Variants in SEPTIN7 observed in about 807,000 individuals in gnomAD.
SEPTIN7 encodes the protein septin-7.
SEPTIN7 carries 10 observed loss-of-function variants against 63.3 expected under a neutral mutation model. That is an observed-to-expected ratio of 0.16 (90% CI 0.10 to 0.27). SEPTIN7 has a LOEUF of 0.27. Among genes scored for constraint, SEPTIN7 ranks in the 10% least tolerant of loss-of-function variants. The pLI is 1.00. For synonymous variants in SEPTIN7, 131 were observed against 165.3 expected (o/e 0.79, Z 1.59); for missense variants, 310 against 521.0 (o/e 0.59, Z 3.94).
chr7:35,870,700 A>AT (rs912145746), intron 4 of SEPTIN7, among the ~76,000 whole-genome samples: 70 of 151,416 alleles, frequency 4.6e-4, no homozygotes, highest in African/African-American at 1.6e-3. Context: ...ACCATTAAAC[A>AT]TTTTTTTTGG....
chr7:35,890,531 C>T, intron 10 of SEPTIN7, 137 bp from the exon 11 acceptor site: 1 of 663,588 alleles, frequency 1.5e-6, no homozygotes, highest in Non-Finnish European at 2.1e-6. Flanking sequence ...ATGCCACCTT[C>T]CTTAACAATA....
intron 12 of SEPTIN7, chr7:35,900,000 C>G (rs1460818227): frequency 6.6e-6 from 1 of 152,046 alleles, no homozygotes; most frequent in Non-Finnish European, 1.5e-5. Context: ...ATATTTGTAT[C>G]TAAGTGTATG....
Position 35,882,764 on chromosome 7 carries a change from G to C in SEPTIN7, c.723+188G>C, listed in dbSNP as rs187765506. Among the ~76,000 whole-genome samples, 5 of 152,118 alleles carry C rather than the reference G, an allele frequency of 3.3e-5. No homozygotes were observed. In the East Asian group the frequency reaches 9.6e-4, roughly 29 times the overall value. Reference sequence around the variant, plus strand: ...TAGCTAGTATATATAATAAGGAATTGTATAAACTACTGAGGTGAATAACAC... The same window carrying C: ...TAGCTAGTATATATAATAAGGAATTCTATAAACTACTGAGGTGAATAACAC... On this transcript the variant is annotated intron_variant, in intron 8 of 13. Coordinates refer to ENST00000350320, the MANE Select transcript of SEPTIN7 (RefSeq NM_001788.6).
intron 12 of SEPTIN7, chr7:35,900,804 T>A (rs1788279384): frequency 6.6e-6 from 1 of 152,230 alleles, no homozygotes; most frequent in Non-Finnish European, 1.5e-5. Context: ...TTTGAAGAAC[T>A]ATTCTTTGAA....
In SEPTIN7 at chr7:35,906,240, A is replaced by G. The variant is rs1788602943; in HGVS notation, c.*1947A>G. The G allele has an allele frequency of 6.6e-6, 1 of 152,236 alleles. No individual in the cohort carries two copies. Among genetic ancestry groups the G allele is most frequent in the Non-Finnish European group, 1.5e-5 (1 of 68,044 alleles). The allele number at this position is 152,236 out of a possible 1,614,324, so 9.4% of individuals were successfully genotyped here. A position where few individuals can be genotyped will look rare whatever the true frequency, so the allele number is the denominator to read the frequency against. ...ATAATAAATTTGTAAGACATTCATT[A>G]TTCTACCATCCTAATGAAAACTTTC... is the stretch of plus-strand genomic sequence containing the variant. On this transcript the variant is annotated 3_prime_UTR_variant, in exon 14 of 14. Coordinates refer to ENST00000350320, the MANE Select transcript of SEPTIN7 (RefSeq NM_001788.6).
At chr7:35,915,051 G>T in the SEPTIN7 span, among the ~76,000 whole-genome samples, 1 of 151,234 alleles carries the variant, frequency 6.6e-6, no homozygotes, top group Non-Finnish European at 1.5e-5. Flanking sequence ...ATGTATATAT[G>T]TATATATACA....
In SEPTIN7 at chr7:35,816,322, A is replaced by G. The variant is rs151209700; in HGVS notation, c.61+15052A>G. On this transcript the variant is annotated intron_variant, in intron 1 of 13. Coordinates refer to ENST00000350320, the MANE Select transcript of SEPTIN7 (RefSeq NM_001788.6). ...ATCTTGGACATTTTATATAAATGAG[A>G]TCATATAATGTGACTTTTTGTGATG... 6.4e-3 allele frequency among the ~76,000 whole-genome samples: 968 copies of G among 152,274 alleles called. 7 individuals carry two copies. Among genetic ancestry groups the G allele is most frequent in the African/African-American group, 0.022 (928 of 41,548 alleles).
intron 12 of SEPTIN7, chr7:35,902,332 C>G (rs1788374194): frequency 6.6e-6 from 1 of 151,888 alleles, no homozygotes. Flanking sequence ...TTTACTGCCT[C>G]TCAGTCAGCA....
chr7:35,889,100 A>T (rs1787474949), intron 10 of SEPTIN7, among the ~76,000 whole-genome samples: 1 of 152,210 alleles, frequency 6.6e-6, no homozygotes, highest in Non-Finnish European at 1.5e-5. Flanking sequence ...CCAAAAATGA[A>T]TGACAACCAA....
chr7:35,851,803 C>T (rs1440820282), intron 3 of SEPTIN7, among the ~76,000 whole-genome samples: 1 of 152,132 alleles, frequency 6.6e-6, no homozygotes, highest in East Asian at 1.9e-4. Context: ...TTATAGGCCA[C>T]TTGACATTTT....
At chr7:35,846,283 C>T (rs1281084463) in intron 3 of SEPTIN7, among the ~76,000 whole-genome samples, 1 of 152,150 alleles carries the variant, frequency 6.6e-6, no homozygotes, top group Non-Finnish European at 1.5e-5. Context: ...TAGCCTGCCT[C>T]CCATTGTTGG....
At chr7:35,897,971 T>C (rs1788054224) in intron 11 of SEPTIN7, among the ~76,000 whole-genome samples, 1 of 140,018 alleles carries the variant, frequency 7.1e-6, no homozygotes, top group Non-Finnish European at 1.6e-5. Context: ...ATTCTGTGAA[T>C]GTATTTTGGG....
At chr7:35,882,853 A>G (rs1488308556) in intron 8 of SEPTIN7, among the ~76,000 whole-genome samples, 3 of 152,052 alleles carry the variant, frequency 2.0e-5, no homozygotes, top group African/African-American at 7.2e-5. Flanking sequence ...TTTCTCTTAA[A>G]AAACAAGTGA....
intron 3 of SEPTIN7, among the ~76,000 whole-genome samples, chr7:35,836,111 G>C (rs79501068): frequency 6.6e-6 from 1 of 152,018 alleles, no homozygotes; most frequent in East Asian, 1.9e-4. Context: ...AATTTGATGG[G>C]GAGATTAGAA....
downstream of SEPTIN7, among the ~76,000 whole-genome samples, chr7:35,911,764 TAGTA>T (rs1446008456): frequency 4.6e-5 from 7 of 152,142 alleles, no homozygotes; most frequent in Non-Finnish European, 1.0e-4. Context: ...TAATAGCTCT[TAGTA>T]AGATCAAAAT....
intron 2 of SEPTIN7, chr7:35,832,263 G>T: frequency 3.1e-6 from 1 of 322,402 alleles, no homozygotes; most frequent in Non-Finnish European, 6.0e-6. Context: ...ACTGTAGCTG[G>T]TTGACACTGA....
intron 9 of SEPTIN7, 120 bp downstream of exon 9, chr7:35,884,107 A>G: frequency 1.8e-6 from 1 of 545,136 alleles, no homozygotes; most frequent in Non-Finnish European, 3.3e-6. Context: ...TTCAAGGATA[A>G]TACTGATTTC....
At chr7:35,813,191 A>C (rs1425456632) in intron 1 of SEPTIN7, among the ~76,000 whole-genome samples, 2 of 152,132 alleles carry the variant, frequency 1.3e-5, no homozygotes, top group Admixed American at 6.5e-5. Flanking sequence ...TATGTAACTT[A>C]CCCGCCTGAA....
chr7:35,888,507 G>A (rs1486914199), intron 10 of SEPTIN7, among the ~76,000 whole-genome samples: 1 of 152,042 alleles, frequency 6.6e-6, no homozygotes, highest in Non-Finnish European at 1.5e-5. Flanking sequence ...GTGATGCAGT[G>A]ATGATATGTA....
Sources: allele counts gnomAD v4.1 joint callset (sites outside exome capture counted in the v4.1 genomes callset), GRCh38; gene constraint gnomAD v4.1.1; transcripts MANE v1.5; gene names NCBI Gene and HGNC (gene_info 2026-07-23, HGNC 2026-07-21).